CNTN4: variants seen among roughly 807,000 people sequenced by gnomAD.
CNTN4 encodes the protein contactin-4.
Under a neutral mutation model 122.5 loss-of-function variants are expected in CNTN4, and 77 were observed. That is an observed-to-expected ratio of 0.63 (90% CI 0.52 to 0.76). The LOEUF (loss-of-function observed/expected upper bound fraction) is 0.76. Among genes scored for constraint, CNTN4 ranks in the 30% least tolerant of loss-of-function variants. The pLI, the probability that CNTN4 is intolerant of heterozygous loss-of-function variation, is 0.00. For synonymous variants in CNTN4, 512 were observed against 447.0 expected, an observed-to-expected ratio of 1.15 and a Z score of -1.83; for missense variants, 1,256 against 1,259.1, an observed-to-expected ratio of 1.00 and a Z score of 0.04.
chr3:2,715,617 C>T (rs1400199), intron 4 of CNTN4, among the ~76,000 whole-genome samples: 9,429 of 152,186 alleles, frequency 0.062, 739 homozygotes, highest in African/African-American at 0.18. Flanking sequence ...CTGGGTAGTT[C>T]GAACTATAGA....
chr3:3,003,694 A>C (rs1696277669), intron 14 of CNTN4, among the ~76,000 whole-genome samples: 1 of 144,748 alleles, frequency 6.9e-6, no homozygotes, highest in Non-Finnish European at 1.5e-5. Flanking sequence ...CAAAAAAAAA[A>C]AAAAAAAAAA....
chr3:3,026,894 T>C (rs1318045038), intron 15 of CNTN4, among the ~76,000 whole-genome samples: 1 of 152,110 alleles, frequency 6.6e-6, no homozygotes, highest in Admixed American at 6.6e-5. Flanking sequence ...TGGGAACAAT[T>C]CCTATCAATC....
At position 2,403,414 on chromosome 3, in the gene CNTN4, G is replaced by A. The variant is rs571299779; in HGVS notation, c.-89+64181G>A. On this transcript the variant is annotated intron_variant, in intron 3 of 24. Transcript: ENST00000418658. Reference sequence around the variant, plus strand: ...GTCTCACTGTTCTTAACTTACTGCTGCTTTTACTCAAAAAATTTGGGATGA... The same window carrying A: ...GTCTCACTGTTCTTAACTTACTGCTACTTTTACTCAAAAAATTTGGGATGA... Among the ~76,000 whole-genome samples the A allele has an allele frequency of 1.7e-4, 26 of 152,202 alleles. 1 individual carries two copies. In the South Asian group the frequency reaches 5.4e-3, roughly 32 times the overall value.
intron 3 of CNTN4, among the ~76,000 whole-genome samples, chr3:2,400,454 T>TATATATATATATATATATA (rs1388199667): frequency 7.1e-6 from 1 of 140,486 alleles, no homozygotes; most frequent in Non-Finnish European, 1.6e-5. Context: ...TATATATCTC[T>TATATATATATATATATATA]TTTTTTCCTT....
chr3:2,308,188 G>T (rs148141158), intron 2 of CNTN4, among the ~76,000 whole-genome samples: 1 of 151,916 alleles, frequency 6.6e-6, no homozygotes, highest in Admixed American at 6.6e-5. Flanking sequence ...TGTTGATAAC[G>T]TAGTGGTTTA....
intron 2 of CNTN4, among the ~76,000 whole-genome samples, chr3:2,125,116 A>AT (rs1223286173): frequency 6.6e-6 from 1 of 151,578 alleles, no homozygotes; most frequent in Non-Finnish European, 1.5e-5. Context: ...ATAACTCTCC[A>AT]TTTTTCCTTC....
intron 3 of CNTN4, among the ~76,000 whole-genome samples, chr3:2,518,464 G>C (rs1337826677): frequency 6.6e-6 from 1 of 152,040 alleles, no homozygotes; most frequent in African/African-American, 2.4e-5. Flanking sequence ...AAATAATCTA[G>C]AAAATTAGGA....
At chr3:2,721,264 G>A (rs529747539) in intron 4 of CNTN4, among the ~76,000 whole-genome samples, 18 of 152,162 alleles carry the variant, frequency 1.2e-4, no homozygotes, top group South Asian at 4.2e-4. Context: ...GAGCCACCAC[G>A]CCCAGCCAAG....
At chr3:2,357,070 A>C (rs2044903522) in intron 3 of CNTN4, among the ~76,000 whole-genome samples, 1 of 152,170 alleles carries the variant, frequency 6.6e-6, no homozygotes, top group Non-Finnish European at 1.5e-5. Context: ...GCGCTTACAG[A>C]CCACTTAGGA....
intron 4 of CNTN4, among the ~76,000 whole-genome samples, chr3:2,675,662 T>G (rs2150419313): frequency 6.6e-6 from 1 of 152,292 alleles, no homozygotes; most frequent in African/African-American, 2.4e-5. Context: ...AAGTACACAT[T>G]GAATGGGAGG....
chr3:2,939,383 G>A (rs1434903001), intron 13 of CNTN4, among the ~76,000 whole-genome samples: 3 of 152,034 alleles, frequency 2.0e-5, no homozygotes, highest in East Asian at 1.9e-4. Flanking sequence ...GTGTGGGGGG[G>A]TATGGGCATG....
chr3:2,466,712 G>A (rs1461593751), intron 3 of CNTN4, among the ~76,000 whole-genome samples: 1 of 152,022 alleles, frequency 6.6e-6, no homozygotes, highest in African/African-American at 2.4e-5. Context: ...AAGCTGGATT[G>A]TTTTGATATA....
At chr3:2,418,326 A>G (rs1433891505) in intron 3 of CNTN4, among the ~76,000 whole-genome samples, 1 of 144,830 alleles carries the variant, frequency 6.9e-6, no homozygotes, top group Non-Finnish European at 1.6e-5. Flanking sequence ...CTGTTAAAAA[A>G]TCACCACAGA....
Position 2,364,094 on chromosome 3 carries a change from C to G in CNTN4, c.-89+24861C>G, listed in dbSNP as rs549054904. On this transcript the variant is annotated intron_variant, in intron 3 of 24. Coordinates refer to ENST00000418658, the MANE Select transcript of CNTN4 (RefSeq NM_175607.3). ...TTTCAATATGACTCCTTAACCTTGT[C>G]TAGTTGGGGGCTTGGTTTGGGGGTG... Among the ~76,000 whole-genome samples, 5 of 151,876 alleles carry G rather than the reference C, an allele frequency of 3.3e-5. No homozygotes were observed. The South Asian group carries it at 1.0e-3, about 32-fold the overall frequency.
intron 3 of CNTN4, among the ~76,000 whole-genome samples, chr3:2,404,024 T>C (rs1289394805): frequency 6.6e-6 from 1 of 152,186 alleles, no homozygotes; most frequent in Non-Finnish European, 1.5e-5. Context: ...ATTTGTGATT[T>C]CTATTATCTA....
At chr3:2,848,033 AG>A (rs2093484219) in intron 7 of CNTN4, among the ~76,000 whole-genome samples, 2 of 152,146 alleles carry the variant, frequency 1.3e-5, no homozygotes, top group Admixed American at 6.5e-5. Context: ...CTGAGGCAGG[AG>A]GACTGCCTGA....
chr3:2,329,466 C>A (rs575692798), intron 2 of CNTN4, among the ~76,000 whole-genome samples: 11 of 152,314 alleles, frequency 7.2e-5, no homozygotes, highest in African/African-American at 2.6e-4. Context: ...CCAGGTCATG[C>A]TTTACACCTT....
chr3:2,379,503 A>C (rs1363110911), intron 3 of CNTN4, among the ~76,000 whole-genome samples: 1 of 152,198 alleles, frequency 6.6e-6, no homozygotes, highest in East Asian at 1.9e-4. Flanking sequence ...TTGCATCCGG[A>C]GTACCACAGG....
At chr3:2,353,404 G>A (rs911664424) in intron 3 of CNTN4, among the ~76,000 whole-genome samples, 1 of 152,076 alleles carries the variant, frequency 6.6e-6, no homozygotes, top group South Asian at 2.1e-4. Context: ...GTGGCAACCG[G>A]GTCTGGTCCC....
Sources: allele counts gnomAD v4.1 joint callset (sites outside exome capture counted in the v4.1 genomes callset), GRCh38; gene constraint gnomAD v4.1.1; transcripts MANE v1.5; gene names NCBI Gene and HGNC (gene_info 2026-07-23, HGNC 2026-07-21).